Variants in DNAJC27 observed in about 807,000 individuals in gnomAD.
DNAJC27 encodes the protein DnaJ heat shock protein family (Hsp40) member C27, also known as dnaJ homolog subfamily C member 27.
DNAJC27 carries 25 observed loss-of-function variants against 31.4 expected under a neutral mutation model. That is an observed-to-expected ratio of 0.80 (90% CI 0.58 to 1.11). The LOEUF (loss-of-function observed/expected upper bound fraction) is 1.11, where lower values mean the gene tolerates loss of function less well. Among genes scored for constraint, DNAJC27 ranks in the 50% most tolerant of loss-of-function variants. The probability of loss-of-function intolerance (pLI) is 0.00; values close to 1 mark genes in which losing one functional copy is unlikely to be tolerated. For synonymous variants in DNAJC27, 106 were observed against 112.7 expected (o/e 0.94, Z 0.37); for missense variants, 356 against 347.3 (o/e 1.02, Z -0.20).
At chr2:24,967,168 A>C in intron 2 of DNAJC27, 43 bp downstream of exon 2, 1 of 1,495,546 alleles carries the variant, frequency 6.7e-7, no homozygotes, top group Non-Finnish European at 9.3e-7. Flanking sequence ...GAAAGTTCTG[A>C]ACTTCTATGT....
At chr2:24,967,371 G>C in intron 1 of DNAJC27, 78 bp from the exon 2 acceptor site, 1 of 1,106,120 alleles carries the variant, frequency 9.0e-7, no homozygotes, top group Non-Finnish European at 1.3e-6. Context: ...TCTTCATTAT[G>C]GTTCCTCCAT....
intron 6 of DNAJC27, among the ~76,000 whole-genome samples, chr2:24,948,471 T>G (rs941025511): frequency 3.9e-5 from 6 of 152,114 alleles, no homozygotes; most frequent in African/African-American, 1.4e-4. Context: ...ACGAGGAATC[T>G]GAGGCCCAAG....
At chr2:24,954,042 G>C (rs1665845060) in intron 5 of DNAJC27, among the ~76,000 whole-genome samples, 1 of 152,170 alleles carries the variant, frequency 6.6e-6, no homozygotes, top group South Asian at 2.1e-4. Flanking sequence ...ACATCACAGA[G>C]AGCTGGAGTC....
At position 24,945,350 on chromosome 2, in the gene DNAJC27, A is replaced by G. The variant is rs1665621315; in HGVS notation, c.*2266T>C. On this transcript the variant is annotated 3_prime_UTR_variant, in exon 7 of 7. Transcript: ENST00000264711. ...ATCAAGCTCAGGCTAAATTTCACCA[A>G]CTCACACATAAGGATATGAGTGGGA... The G allele has an allele frequency of 6.6e-6, 1 of 152,206 alleles. No homozygotes were observed. The highest frequency in any genetic ancestry group is 1.5e-5 in the Non-Finnish European group (1 of 68,038). The allele number at this position is 152,206 out of a possible 1,614,324, so 9.4% of individuals were successfully genotyped here.
At chr2:24,951,189 G>A (rs529456040) in intron 6 of DNAJC27, among the ~76,000 whole-genome samples, 42 of 152,300 alleles carry the variant, frequency 2.8e-4, no homozygotes, top group African/African-American at 1.0e-3. Flanking sequence ...GCACGTACAC[G>A]ACACAGTTTT....
chr2:24,951,319 T>C (rs988871035), intron 6 of DNAJC27, 75 bp downstream of exon 6: 7 of 1,431,010 alleles, frequency 4.9e-6, no homozygotes, highest in Admixed American at 2.0e-5. Context: ...GAGGAAGATA[T>C]ACTGCACCTA....
intron 1 of DNAJC27, among the ~76,000 whole-genome samples, chr2:24,970,803 T>C (rs1573121863): frequency 6.6e-6 from 1 of 150,386 alleles, no homozygotes; most frequent in Non-Finnish European, 1.5e-5. Context: ...TTCAAAAAAA[T>C]GTTGACTTTC....
intron 3 of DNAJC27, chr2:24,963,117 C>A: frequency 6.4e-6 from 2 of 314,254 alleles, no homozygotes; most frequent in Non-Finnish European, 1.2e-5. Flanking sequence ...TTTTTTTTCA[C>A]ATTTTAGGCT....
rs1010517648 is a variant in DNAJC27 at position 24,963,577 on chromosome 2, A to C, written c.171-103T>G. 13 of 890,904 alleles carry C rather than the reference A, an allele frequency of 1.5e-5. No homozygotes were observed. In the Admixed American group the frequency reaches 3.3e-4, roughly 22 times the overall value. The allele number at this position is 890,904 out of a possible 1,614,324, so 55.2% of individuals were successfully genotyped here. On this transcript the variant is annotated intron_variant, in intron 2 of 6. Transcript: ENST00000264711. ...AAAGGATATGTGTATGCAATTTAAG[A>C]AGCTTTCTTAGTGCCTCTTCCTCAT...
chr2:24,943,951 A>G lies in DNAJC27; in HGVS notation c.*3665T>C, dbSNP rs1412762136. On this transcript the variant is annotated 3_prime_UTR_variant, in exon 7 of 7. Transcript: ENST00000264711. ...CTGCTCGTTAGACACCATCTCACTT[A>G]TCCATGTCACCAGTGTAAGCTTTTG... The G allele has an allele frequency of 6.6e-6, 1 of 152,312 alleles. No homozygotes were observed. Among genetic ancestry groups the G allele is most frequent in the East Asian group, 1.9e-4 (1 of 5,202 alleles). 9.4% of individuals were successfully genotyped at this position (152,312 alleles called of 1,614,324 possible).
intron 6 of DNAJC27, 119 bp from the exon 7 acceptor site, chr2:24,947,867 C>A: frequency 8.5e-7 from 1 of 1,176,314 alleles, no homozygotes. Context: ...ATTACCCTTT[C>A]TCAAAGGCAG....
chr2:24,954,241 G>A (rs936610973), intron 5 of DNAJC27, among the ~76,000 whole-genome samples: 1 of 152,156 alleles, frequency 6.6e-6, no homozygotes, highest in African/African-American at 2.4e-5. Context: ...GATAACAGCT[G>A]CTATGGGGTT....
rs756662962 is a variant in DNAJC27, at chr2:24,947,571, G to C, written c.*45C>G. Reference sequence around the variant, plus strand: ...GTTGGTTATTTCACCTCTAGGGAAAGTCTGTTTGCATTTGAGTCCCACATG... The same window carrying C: ...GTTGGTTATTTCACCTCTAGGGAAACTCTGTTTGCATTTGAGTCCCACATG... On this transcript the variant is annotated 3_prime_UTR_variant, in exon 7 of 7. Transcript: ENST00000264711. The C allele has an allele frequency of 6.4e-7, 1 of 1,560,492 alleles. No homozygotes were observed.
intron 6 of DNAJC27, among the ~76,000 whole-genome samples, chr2:24,949,646 G>A (rs1310520925): frequency 6.6e-6 from 1 of 152,208 alleles, no homozygotes; most frequent in East Asian, 1.9e-4. Flanking sequence ...AAAGGTAAGA[G>A]AAGCACATGT....
At chr2:24,950,468 A>T (rs1003764987) in intron 6 of DNAJC27, among the ~76,000 whole-genome samples, 5 of 152,078 alleles carry the variant, frequency 3.3e-5, no homozygotes, top group Admixed American at 6.5e-5. Flanking sequence ...AATGAATAAT[A>T]ATTTAATTTT....
At chr2:24,947,946 GTTA>G (rs761936523) in intron 6 of DNAJC27, among the ~76,000 whole-genome samples, 198 bp from the exon 7 acceptor site, 5 of 152,154 alleles carry the variant, frequency 3.3e-5, no homozygotes, top group East Asian at 3.8e-4. Context: ...AATTGAAAAA[GTTA>G]TTATTGCACA....
chr2:24,965,131 G>A (rs1019874782), intron 2 of DNAJC27, among the ~76,000 whole-genome samples: 1 of 151,764 alleles, frequency 6.6e-6, no homozygotes, highest in East Asian at 1.9e-4. Flanking sequence ...GCTTAAACCC[G>A]GGAGGCGGAA....
rs1036266682 is a variant in DNAJC27 at position 24,944,631 on chromosome 2, G to A, written c.*2985C>T. On this transcript the variant is annotated 3_prime_UTR_variant, in exon 7 of 7. Coordinates refer to ENST00000264711, the MANE Select transcript of DNAJC27 (RefSeq NM_016544.3). ...ATTTTCTCTTGGGTAGCAACACAAT[G>A]ACCCCCAAGTCTGGATTTTTAAATT... The A allele has an allele frequency of 1.3e-5, 2 of 152,498 alleles. No individual in the cohort carries two copies. Among genetic ancestry groups the A allele is most frequent in the Admixed American group, 1.3e-4 (2 of 15,266 alleles). 9.4% of individuals were successfully genotyped at this position (152,498 alleles called of 1,614,324 possible).
chr2:24,964,386 C>T (rs1310564332), intron 2 of DNAJC27, among the ~76,000 whole-genome samples: 1 of 148,176 alleles, frequency 6.7e-6, no homozygotes, highest in Non-Finnish European at 1.5e-5. Flanking sequence ...CACGCCACTG[C>T]ACTCCAACCT....
Sources: gnomAD v4.1 joint callset for allele counts (sites outside exome capture counted in the v4.1 genomes callset) on GRCh38, gnomAD v4.1.1 for gene constraint, MANE v1.5 for transcripts, NCBI Gene and HGNC (gene_info 2026-07-23, HGNC 2026-07-21) for gene names.